Variants in SLC22A23 observed in about 807,000 individuals in gnomAD.
SLC22A23 encodes the protein ion transporter protein.
A neutral mutation model predicts 61.0 loss-of-function variants in SLC22A23; 26 were observed. That is an observed-to-expected ratio of 0.43 (90% CI 0.31 to 0.59). The LOEUF (loss-of-function observed/expected upper bound fraction) is 0.59. SLC22A23 is among the 20% of genes least tolerant of loss of function. The probability of loss-of-function intolerance (pLI) is 0.11; values close to 1 mark genes in which losing one functional copy is unlikely to be tolerated. For synonymous variants in SLC22A23, 430 were observed against 413.9 expected (o/e 1.04, Z -0.47); for missense variants, 796 against 934.7 (o/e 0.85, Z 1.94).
chr6:3,431,230 T>C (rs1056129412), intron 1 of SLC22A23, among the ~76,000 whole-genome samples: 2 of 152,230 alleles, frequency 1.3e-5, no homozygotes, highest in Non-Finnish European at 2.9e-5. Flanking sequence ...GGACACACCC[T>C]GCACCCATGT....
In SLC22A23 at chr6:3,323,744, G is replaced by C. The variant is rs1763103676; in HGVS notation, c.1082+90C>G. 2.1e-6 allele frequency: 3 copies of C among 1,401,336 alleles called. No homozygotes were observed. The Admixed American group carries it at 7.7e-5, about 36-fold the overall frequency. The allele number at this position is 1,401,336 out of a possible 1,614,324, so 86.8% of individuals were successfully genotyped here. A position where few individuals can be genotyped will look rare whatever the true frequency, so the allele number is the denominator to read the frequency against. On this transcript the variant is annotated intron_variant, in intron 4 of 9. Coordinates refer to ENST00000406686, the MANE Select transcript of SLC22A23 (RefSeq NM_015482.2). Reference sequence around the variant, plus strand: ...AACCACAAGCTGCAACTAGTGGGAAGTGTGGGGATTGTGTGTCCTGCCCGG... The same window carrying C: ...AACCACAAGCTGCAACTAGTGGGAACTGTGGGGATTGTGTGTCCTGCCCGG...
intron 3 of SLC22A23, among the ~76,000 whole-genome samples, chr6:3,356,331 G>T (rs1765100561): frequency 6.6e-6 from 1 of 151,786 alleles, no homozygotes; most frequent in East Asian, 2.0e-4. Flanking sequence ...GACAGGATTG[G>T]ATGGTAAAAC....
chr6:3,283,889 C>T lies in SLC22A23; in HGVS notation c.1666G>A (p.Val556Met), dbSNP rs535956458. Residue 556 changes from valine (V) to methionine (M), a missense_variant, in exon 9 of 10, where the codon GTG (valine) becomes ATG (methionine). Transcript: ENST00000406686. ...FASHAVGSLS[V>M]FFCAEITPTV... is the part of the protein sequence containing the mutation. The stretch of plus-strand genomic sequence containing the variant: ...GGGGTGATCTCCGCACAGAAGAACA[C>T]GCTGAGGCTCCCCACCGCATGGGAG... The T allele has an allele frequency of 9.9e-6, 16 of 1,613,092 alleles. No individual in the cohort carries two copies. Among genetic ancestry groups the T allele is most frequent in the Admixed American group, 3.3e-5 (2 of 60,002 alleles).
intron 3 of SLC22A23, among the ~76,000 whole-genome samples, chr6:3,379,587 T>C (rs1766823440): frequency 6.6e-6 from 1 of 152,014 alleles, no homozygotes; most frequent in Admixed American, 6.6e-5. Flanking sequence ...TTAGCTTAGG[T>C]GAAAGAGAAA....
chr6:3,323,857 G>C lies in SLC22A23; in HGVS notation c.1059C>G (p.Phe353Leu), dbSNP rs1414934312. 7 of 1,614,034 alleles carry C rather than the reference G, an allele frequency of 4.3e-6. No homozygotes were observed. The highest frequency in any genetic ancestry group is 5.9e-6 in the Non-Finnish European group (7 of 1,179,968). ...ACGACCAGTAGAGCAGCATGAGCAG[G>C]AAGGGGCAGATGATGAGGGCCTGCA... ...QVLQALIICP[F>L]LLMLLYWSIF... Residue 353 changes from phenylalanine (F) to leucine (L), a missense_variant, in exon 4 of 10, where the codon TTC becomes TTG. By Grantham distance (22) the Phe-to-Leu change is conservative. Coordinates refer to ENST00000406686, the MANE Select transcript of SLC22A23 (RefSeq NM_015482.2).
chr6:3,422,634 C>A (rs761120174), intron 1 of SLC22A23, among the ~76,000 whole-genome samples: 1 of 152,218 alleles, frequency 6.6e-6, no homozygotes, highest in Non-Finnish European at 1.5e-5. Context: ...GCCAACACAA[C>A]TGCCAATTAG....
intron 3 of SLC22A23, among the ~76,000 whole-genome samples, chr6:3,403,762 A>C (rs745477154): frequency 1.3e-5 from 2 of 152,256 alleles, no homozygotes; most frequent in Non-Finnish European, 2.9e-5. Context: ...ATAGAATTCT[A>C]AAACTGGAAG....
rs1561896006 is a variant in SLC22A23 at position 3,321,362 on chromosome 6, TCA to T, written c.1082+2470_1082+2471del. ...GCAGAGCACCTTGGGACCGCCATCC[TCA>T]TGCACACACGTGCACACACATGCAC... On this transcript the variant is annotated intron_variant, in intron 4 of 9. Transcript: ENST00000406686. Among the ~76,000 whole-genome samples, 189 of 152,188 alleles carry T rather than the reference TCA, an allele frequency of 1.2e-3. 5 individuals carry two copies. The East Asian group carries it at 0.035, about 28-fold the overall frequency.
intron 3 of SLC22A23, among the ~76,000 whole-genome samples, chr6:3,364,528 C>T (rs1008052306): frequency 2.6e-5 from 4 of 152,138 alleles, no homozygotes; most frequent in Non-Finnish European, 5.9e-5. Flanking sequence ...GCCCAGATGC[C>T]CTGCTCACAC....
intron 4 of SLC22A23, among the ~76,000 whole-genome samples, chr6:3,299,241 T>C (rs1384323993): frequency 6.6e-6 from 1 of 152,260 alleles, no homozygotes; most frequent in Non-Finnish European, 1.5e-5. Context: ...CATAGATTTC[T>C]AAAGCATGGA....
At position 3,327,358 on chromosome 6, in the gene SLC22A23, A is replaced by G. The variant is rs1177517226; in HGVS notation, c.914-3356T>C. On this transcript the variant is annotated intron_variant, in intron 3 of 9. Transcript: ENST00000406686. This position sits in a 1 kb window ranked among gnomAD's most constrained non-coding sequence, Gnocchi z 4.1. ...CTTACTAGAATCAATTTCTTTGCCA[A>G]TGGAACCAAACCCAAATCCTTTTAG... Among the ~76,000 whole-genome samples the G allele has an allele frequency of 6.6e-6, 1 of 152,248 alleles. No individual in the cohort carries two copies. Among genetic ancestry groups the G allele is most frequent in the Non-Finnish European group, 1.5e-5 (1 of 68,040 alleles).
At chr6:3,281,900 T>C (rs1759505086) in intron 9 of SLC22A23, among the ~76,000 whole-genome samples, 1 of 152,192 alleles carries the variant, frequency 6.6e-6, no homozygotes, top group Admixed American at 6.5e-5. Flanking sequence ...TTTTTCCAGT[T>C]TGTCATCTTG....
intron 1 of SLC22A23, among the ~76,000 whole-genome samples, chr6:3,437,730 T>C (rs1193584227): frequency 6.9e-6 from 1 of 144,128 alleles, no homozygotes; most frequent in Non-Finnish European, 1.5e-5. Flanking sequence ...AAAAACCCAC[T>C]CTGGAACTTA....
chr6:3,394,182 A>G (rs1312708688), intron 3 of SLC22A23, among the ~76,000 whole-genome samples: 2 of 152,184 alleles, frequency 1.3e-5, no homozygotes, highest in African/African-American at 4.8e-5. Flanking sequence ...CGGGCACTGT[A>G]ATATCCCGGG....
intron 3 of SLC22A23, among the ~76,000 whole-genome samples, chr6:3,352,724 A>G (rs1051568179): frequency 6.6e-6 from 1 of 152,224 alleles, no homozygotes; most frequent in Non-Finnish European, 1.5e-5. Flanking sequence ...TGGAGGTCTG[A>G]GGATAAATGG....
chr6:3,314,424 G>C (rs9378781), intron 4 of SLC22A23, among the ~76,000 whole-genome samples: 49,825 of 152,024 alleles, frequency 0.33, 8,863 homozygotes, highest in East Asian at 0.59. Context: ...GCCATGGGGC[G>C]TCAGCAACAC....
intron 1 of SLC22A23, among the ~76,000 whole-genome samples, chr6:3,453,071 G>A (rs184457620): frequency 1.3e-5 from 2 of 152,294 alleles, no homozygotes; most frequent in East Asian, 3.9e-4. Flanking sequence ...CCCTCTTTGG[G>A]TTAGAACACA....
intron 3 of SLC22A23, among the ~76,000 whole-genome samples, chr6:3,377,452 C>A (rs1480622757): frequency 3.3e-5 from 5 of 152,192 alleles, no homozygotes; most frequent in Admixed American, 6.5e-5. Context: ...GCCAGGCCTC[C>A]TGGACCCTCT....
At chr6:3,369,332 C>T (rs959286415) in intron 3 of SLC22A23, among the ~76,000 whole-genome samples, 13 of 152,216 alleles carry the variant, frequency 8.5e-5, no homozygotes, top group African/African-American at 3.1e-4. Context: ...TTTTCTCCAA[C>T]CCTTCAAGGT....
Sources: allele counts gnomAD v4.1 joint callset (sites outside exome capture counted in the v4.1 genomes callset), GRCh38; gene constraint gnomAD v4.1.1; non-coding constraint Gnocchi (gnomAD v3.1); transcripts MANE v1.5; gene names NCBI Gene and HGNC (gene_info 2026-07-23, HGNC 2026-07-21).